Variants in SLCO4A1 observed in about 807,000 individuals in gnomAD.
The protein encoded by SLCO4A1 is colon organic anion transporter.
SLCO4A1 carries 51 observed loss-of-function variants against 64.6 expected under a neutral mutation model. The ratio of observed to expected loss-of-function variants is 0.79; its 90% CI spans 0.63 to 1.00. SLCO4A1 has a LOEUF of 1.00. Ranked by LOEUF, SLCO4A1 falls within the 50% of genes least tolerant of loss-of-function variation. The pLI is 0.00. For missense variants in SLCO4A1, 919 were observed against 980.5 expected (o/e 0.94, Z 0.84); for synonymous variants, 471 against 444.9 (o/e 1.06, Z -0.74).
intron 2 of SLCO4A1, among the ~76,000 whole-genome samples, chr20:62,682,668 CA>C (rs1987889736): frequency 2.6e-5 from 4 of 152,264 alleles, no homozygotes; most frequent in African/African-American, 9.6e-5. Flanking sequence ...CACACACACA[CA>C]CACACACAGT....
chr20:62,687,141 G>GAAA (rs1988090333), downstream of SLCO4A1, among the ~76,000 whole-genome samples: 10 of 113,004 alleles, frequency 8.8e-5, no homozygotes, highest in African/African-American at 4.1e-4. Flanking sequence ...CACGATGGGT[G>GAAA]GGGCACCCCC....
chr20:62,684,888 G>A (rs536167387), intron 2 of SLCO4A1, among the ~76,000 whole-genome samples: 2 of 152,118 alleles, frequency 1.3e-5, no homozygotes, highest in East Asian at 3.9e-4. Flanking sequence ...CTGCAGCAAC[G>A]ACCCGACCAC....
At chr20:62,666,349 A>C in intron 6 of SLCO4A1, 31 bp from the exon 7 acceptor site, 2 of 1,600,794 alleles carry the variant, frequency 1.2e-6, no homozygotes, top group Non-Finnish European at 1.7e-6. Context: ...CCCCTGCCTG[A>C]GTCCCTGGCT....
At chr20:62,659,070 T>C (rs1984296450) in intron 3 of SLCO4A1, among the ~76,000 whole-genome samples, 1 of 152,232 alleles carries the variant, frequency 6.6e-6, no homozygotes, top group South Asian at 2.1e-4. Context: ...TTTTTCTGTT[T>C]CTTTTCCTTT....
At chr20:62,648,451 G>A (rs1211111220) in intron 1 of SLCO4A1, among the ~76,000 whole-genome samples, 1 of 152,222 alleles carries the variant, frequency 6.6e-6, no homozygotes, top group Non-Finnish European at 1.5e-5. Flanking sequence ...TCAGGGCTCC[G>A]GGCCTGGGCA....
In SLCO4A1 at chr20:62,645,625, T is replaced by C. The variant is rs1981178763; in HGVS notation, c.-97+3072T>C. ...ACCAGCATCACACAGAATTAGACCC[T>C]GGGACTACATTTCTGGCGGAAGGTG... On this transcript the variant is annotated intron_variant, in intron 1 of 11. Transcript: ENST00000217159. The surrounding 1 kb of genome is among the most constrained non-coding windows in gnomAD (Gnocchi z 4.2). Among the ~76,000 whole-genome samples, 1 of 151,866 alleles carries C rather than the reference T, an allele frequency of 6.6e-6. No homozygotes were observed. The highest frequency in any genetic ancestry group is 2.1e-4 in the South Asian group (1 of 4,818).
chr20:62,663,859 G>A (rs968189278), intron 5 of SLCO4A1, among the ~76,000 whole-genome samples: 1 of 152,222 alleles, frequency 6.6e-6, no homozygotes, highest in Non-Finnish European at 1.5e-5. Context: ...CACTGCACTG[G>A]CTGGGAGGGC....
chr20:62,658,048 G>T (rs1984060828), intron 2 of SLCO4A1, among the ~76,000 whole-genome samples: 1 of 152,102 alleles, frequency 6.6e-6, no homozygotes, highest in African/African-American at 2.4e-5. Context: ...TGCACGGCCC[G>T]CCTGACCCCA....
At position 62,672,189 on chromosome 20, in the gene SLCO4A1, G is replaced by T; in HGVS notation, c.*296G>T. 7.6e-7 allele frequency: 1 copy of T among 1,309,496 alleles called. No individual in the cohort carries two copies. The highest frequency in any genetic ancestry group is 9.8e-7 in the Non-Finnish European group (1 of 1,022,478). 81.1% of individuals were successfully genotyped at this position (1,309,496 alleles called of 1,614,324 possible). A position where few individuals can be genotyped will look rare whatever the true frequency, so the allele number is the denominator to read the frequency against. On this transcript the variant is annotated 3_prime_UTR_variant, in exon 12 of 12. Coordinates refer to ENST00000217159, the MANE Select transcript of SLCO4A1 (RefSeq NM_016354.4). ...GTGCGTGAGGACAAACTCCGCAGGG[G>T]CTGTGAATCCCACTGGGAGGGCGGT...
chr20:62,653,119 A>G (rs568277221), intron 1 of SLCO4A1, among the ~76,000 whole-genome samples: 33 of 152,276 alleles, frequency 2.2e-4, no homozygotes, highest in Non-Finnish European at 4.4e-4. Flanking sequence ...ACCCAGCGGG[A>G]TTCTTCACAG....
chr20:62,668,456 C>A, intron 9 of SLCO4A1, 21 bp from the exon 10 acceptor site: 2 of 1,613,198 alleles, frequency 1.2e-6, no homozygotes, highest in Non-Finnish European at 1.7e-6. Flanking sequence ...TGGGTGCTGA[C>A]GCTGTGGTTT....
At chr20:62,643,409 G>T (rs1302446537) in intron 1 of SLCO4A1, 2 of 175,252 alleles carry the variant, frequency 1.1e-5, no homozygotes, top group Non-Finnish European at 2.5e-5. Context: ...CTGGCGCCCC[G>T]AGGGGAGAGA....
At chr20:62,688,670 G>T (rs1396955813), downstream of SLCO4A1, among the ~76,000 whole-genome samples, 2 of 152,164 alleles carry the variant, frequency 1.3e-5, no homozygotes, top group African/African-American at 4.8e-5. Context: ...TGGGGTGGGG[G>T]ATGCATGCCC....
At chr20:62,667,544 T>C (rs1986581427) in intron 7 of SLCO4A1, 1 of 610,186 alleles carries the variant, frequency 1.6e-6, no homozygotes, top group Non-Finnish European at 2.9e-6. Context: ...CTTCCTTGCG[T>C]GAGGAGGAAA....
At position 62,658,711 on chromosome 20, in the gene SLCO4A1, T is replaced by G; in HGVS notation, c.831T>G (p.Ala277=). 1 of 1,612,394 alleles carries G rather than the reference T, an allele frequency of 6.2e-7. No individual in the cohort carries two copies. Among genetic ancestry groups the G allele is most frequent in the East Asian group, 2.2e-5 (1 of 44,846 alleles). ...ACACAGCGGCCATCCTGGGCCCAGC[T>G]GCCGGCTACCTGATTGGAGGTGCCC... is the stretch of plus-strand genomic sequence containing the variant. The part of the protein sequence containing the change: ...IFYTAAILGP[A]AGYLIGGALL... Residue 277 remains alanine, a synonymous_variant, in exon 3 of 12, where the codon GCT becomes GCG. Coordinates refer to ENST00000217159, the MANE Select transcript of SLCO4A1 (RefSeq NM_016354.4).
At chr20:62,649,583 G>A (rs1982059951) in intron 1 of SLCO4A1, 1 of 152,474 alleles carries the variant, frequency 6.6e-6, no homozygotes, top group Admixed American at 6.5e-5. Context: ...GTGTTCAGAT[G>A]AGGATGACAG....
intron 2 of SLCO4A1, among the ~76,000 whole-genome samples, chr20:62,684,164 C>CT (rs1188659618): frequency 6.6e-6 from 1 of 152,148 alleles, no homozygotes; most frequent in Non-Finnish European, 1.5e-5. Flanking sequence ...ACACACTCAT[C>CT]CCCCAACAGC....
At position 62,666,444 on chromosome 20, in the gene SLCO4A1, C is replaced by T; in HGVS notation, c.1341C>T (p.Leu447=). Residue 447 remains leucine, a synonymous_variant, in exon 7 of 12, where the codon CTC becomes CTT. Transcript: ENST00000217159. The stretch of plus-strand genomic sequence containing the variant: ...TGGGCGGCTTCTTTGTGAACAAGCT[C>T]AGGCTCCGGGGCTCCGCGGTCATCA... The part of the protein sequence containing the change: ...TFLGGFFVNK[L]RLRGSAVIKF... 6 of 1,613,440 alleles carry T rather than the reference C, an allele frequency of 3.7e-6. No homozygotes were observed. Among genetic ancestry groups the T allele is most frequent in the East Asian group, 2.2e-5 (1 of 44,854 alleles).
Position 62,644,713 on chromosome 20 carries a change from T to A in SLCO4A1, c.-97+2160T>A, listed in dbSNP as rs1227826653. On this transcript the variant is annotated intron_variant, in intron 1 of 11. Coordinates refer to ENST00000217159, the MANE Select transcript of SLCO4A1 (RefSeq NM_016354.4). The surrounding 1 kb of genome is among the most constrained non-coding windows in gnomAD (Gnocchi z 5.4). ...CTACAAGGTCTTCGATCCGGATGTC[T>A]CCATGAGTGTTAATCCATTTCTGGG... Among the ~76,000 whole-genome samples, 1 of 152,242 alleles carries A rather than the reference T, an allele frequency of 6.6e-6. No individual in the cohort carries two copies. Among genetic ancestry groups the A allele is most frequent in the Non-Finnish European group, 1.5e-5 (1 of 68,046 alleles).
Sources: gnomAD v4.1 joint callset for allele counts (sites outside exome capture counted in the v4.1 genomes callset) on GRCh38, gnomAD v4.1.1 for gene constraint, Gnocchi (gnomAD v3.1) non-coding constraint, MANE v1.5 for transcripts, NCBI Gene and HGNC (gene_info 2026-07-23, HGNC 2026-07-21) for gene names.